Variants in IQCK observed in about 807,000 individuals in gnomAD.
IQCK encodes IQ motif containing K.
IQCK carries 29 observed loss-of-function variants against 28.1 expected under a neutral mutation model. The ratio of observed to expected loss-of-function variants is 1.03; its 90% CI spans 0.77 to 1.41. The LOEUF is 1.41. Ranked by LOEUF, IQCK falls within the 40% of genes most tolerant of loss-of-function variation. The probability of loss-of-function intolerance (pLI) is 0.00; values close to 1 mark genes in which losing one functional copy is unlikely to be tolerated. For missense variants in IQCK, 359 were observed against 314.7 expected (o/e 1.14, Z -1.07); for synonymous variants, 113 against 115.1 (o/e 0.98, Z 0.12).
chr16:19,739,028 T>C (rs1469711504), intron 4 of IQCK, among the ~76,000 whole-genome samples: 1 of 152,176 alleles, frequency 6.6e-6, no homozygotes, highest in Admixed American at 6.5e-5. Context: ...CCCTTTTGGA[T>C]CCTGAACAAT....
intron 7 of IQCK, among the ~76,000 whole-genome samples, chr16:19,805,654 A>G (rs2055823778): frequency 6.6e-6 from 1 of 152,234 alleles, no homozygotes; most frequent in South Asian, 2.1e-4. Context: ...AAAACTCAGC[A>G]GCTCACAATA....
intron 2 of IQCK, among the ~76,000 whole-genome samples, chr16:19,731,397 A>T (rs568474718): frequency 6.6e-6 from 1 of 152,234 alleles, no homozygotes; most frequent in East Asian, 1.9e-4. Flanking sequence ...AACTTCCATC[A>T]CTGCAGCTGC....
intron 1 of IQCK, among the ~76,000 whole-genome samples, chr16:19,723,657 A>C (rs995916955): frequency 1.3e-5 from 2 of 152,184 alleles, no homozygotes; most frequent in Admixed American, 1.3e-4. Flanking sequence ...GATACATGTT[A>C]AAATGCAGCT....
chr16:19,808,639 A>G (rs1377044301), intron 7 of IQCK, among the ~76,000 whole-genome samples: 3 of 152,214 alleles, frequency 2.0e-5, no homozygotes, highest in African/African-American at 7.2e-5. Flanking sequence ...CTGGTTATAT[A>G]TTAATTTGCA....
At chr16:19,835,973 C>T (rs912545363) in intron 9 of IQCK, among the ~76,000 whole-genome samples, 13 of 152,144 alleles carry the variant, frequency 8.5e-5, no homozygotes, top group African/African-American at 3.1e-4. Flanking sequence ...CAGTGATCAC[C>T]ATACTGTCAT....
chr16:19,779,863 ACC>A, intron 6 of IQCK, among the ~76,000 whole-genome samples: 1 of 150,464 alleles, frequency 6.6e-6, no homozygotes, highest in East Asian at 2.0e-4. Context: ...GACTACAGGC[ACC>A]TGCCACCACG....
rs139595666 is a variant in IQCK at position 19,842,275 on chromosome 16, T to A, written c.803-14212T>A. 2.0e-4 allele frequency among the ~76,000 whole-genome samples: 31 copies of A among 152,356 alleles called. 1 individual carries two copies. The East Asian group carries it at 6.0e-3, about 29-fold the overall frequency. ...AGAACATATCAACATGCTTTGCTTA[T>A]TGTAAGGGAAATACTTTTTGGAGAA... On this transcript the variant is annotated intron_variant, in intron 9 of 9. Coordinates refer to the IQCK transcript ENST00000320394.
intron 9 of IQCK, among the ~76,000 whole-genome samples, chr16:19,848,130 C>T (rs1042317159): frequency 2.0e-5 from 3 of 152,200 alleles, no homozygotes; most frequent in Non-Finnish European, 2.9e-5. Context: ...CAGTGATGCA[C>T]GAGCAGTCTG....
At chr16:19,727,960 C>G (rs1977713035) in intron 1 of IQCK, among the ~76,000 whole-genome samples, 1 of 152,030 alleles carries the variant, frequency 6.6e-6, no homozygotes, top group Non-Finnish European at 1.5e-5. Context: ...CAATCAAACG[C>G]TAATCTAGGT....
chr16:19,855,914 T>C (rs1189656638), intron 9 of IQCK, among the ~76,000 whole-genome samples: 1 of 152,126 alleles, frequency 6.6e-6, no homozygotes, highest in Admixed American at 6.5e-5. Flanking sequence ...TTTCCATATT[T>C]AATTGGGGAG....
intron 4 of IQCK, among the ~76,000 whole-genome samples, chr16:19,749,727 C>T (rs542113222): frequency 1.3e-5 from 2 of 150,924 alleles, no homozygotes; most frequent in South Asian, 2.1e-4. Flanking sequence ...GATTGCAGCA[C>T]TGCACTCCAG....
At chr16:19,756,749 T>G (rs1319818143) in intron 4 of IQCK, among the ~76,000 whole-genome samples, 10 of 151,968 alleles carry the variant, frequency 6.6e-5, no homozygotes, top group Non-Finnish European at 1.2e-4. Flanking sequence ...TACAAAAAAT[T>G]AGCCGGGCGT....
At chr16:19,835,555 G>A (rs2056283969) in intron 9 of IQCK, among the ~76,000 whole-genome samples, 1 of 151,054 alleles carries the variant, frequency 6.6e-6, no homozygotes, top group South Asian at 2.1e-4. Flanking sequence ...ATTCTAGCTT[G>A]CTTGTAGAAG....
intron 6 of IQCK, among the ~76,000 whole-genome samples, chr16:19,767,510 G>C (rs1289564387): frequency 2.6e-5 from 4 of 152,104 alleles, no homozygotes; most frequent in Middle Eastern, 3.4e-3. Context: ...CGTCCTGCCA[G>C]GTGCCTGTGC....
chr16:19,728,945 G>T (rs576492098), intron 1 of IQCK, among the ~76,000 whole-genome samples: 1 of 152,268 alleles, frequency 6.6e-6, no homozygotes, highest in African/African-American at 2.4e-5. Flanking sequence ...CCTCAATACC[G>T]TCTTGCCCAC....
At chr16:19,815,212 C>G (rs8056711) in intron 7 of IQCK, among the ~76,000 whole-genome samples, 34,851 of 152,012 alleles carry the variant, frequency 0.23, 4,611 homozygotes, top group African/African-American at 0.37. Context: ...ACACAACAGA[C>G]TGAAAAATGC....
chr16:19,829,687 T>G (rs540249938), downstream of IQCK, among the ~76,000 whole-genome samples: 286 of 152,258 alleles, frequency 1.9e-3, no homozygotes, highest in South Asian at 3.5e-3. Flanking sequence ...AGTTGTTTTG[T>G]GCTTTCTTTA....
At chr16:19,821,934 G>C (rs190338374) in intron 7 of IQCK, among the ~76,000 whole-genome samples, 10 of 151,748 alleles carry the variant, frequency 6.6e-5, no homozygotes, top group Admixed American at 6.6e-4. Flanking sequence ...TAAAAAATTA[G>C]CTGGGTGTGG....
At chr16:19,799,126 A>AT (rs1216242190) in intron 7 of IQCK, among the ~76,000 whole-genome samples, 1 of 112,218 alleles carries the variant, frequency 8.9e-6, no homozygotes, top group Non-Finnish European at 1.6e-5. Flanking sequence ...TTTTTAAAAC[A>AT]TTTTTTACAA....
Sources: gnomAD v4.1 joint callset for allele counts (sites outside exome capture counted in the v4.1 genomes callset) on GRCh38, gnomAD v4.1.1 for gene constraint, MANE v1.5 for transcripts, NCBI Gene and HGNC (gene_info 2026-07-23, HGNC 2026-07-21) for gene names.